KAZN: variants seen among roughly 807,000 people sequenced by gnomAD.
The protein encoded by KAZN is kazrin.
A neutral mutation model predicts 87.4 loss-of-function variants in KAZN; 40 were observed. The observed-to-expected ratio is 0.46, with a 90% CI of 0.36 to 0.60. The LOEUF (loss-of-function observed/expected upper bound fraction) is 0.60. Among genes scored for constraint, KAZN ranks in the 20% least tolerant of loss-of-function variants. The pLI is 0.00. For synonymous variants in KAZN, 466 were observed against 458.3 expected (o/e 1.02, Z -0.22); for missense variants, 898 against 1,073.9 (o/e 0.84, Z 2.29).
At chr1:14,233,340 C>A (rs1221785968) in intron 2 of KAZN, among the ~76,000 whole-genome samples, 1 of 152,114 alleles carries the variant, frequency 6.6e-6, no homozygotes. Context: ...TCACTATGTT[C>A]CCCAGGCTGT....
At chr1:14,181,996 C>A (rs1009105546) in intron 2 of KAZN, among the ~76,000 whole-genome samples, 5 of 152,108 alleles carry the variant, frequency 3.3e-5, no homozygotes, top group African/African-American at 4.8e-5. Context: ...GTGCCTAGAA[C>A]TGGATTTCAA....
intron 1 of KAZN, among the ~76,000 whole-genome samples, chr1:14,915,842 C>G (rs1030280582): frequency 6.6e-6 from 1 of 152,162 alleles, no homozygotes; most frequent in African/African-American, 2.4e-5. Flanking sequence ...AAAGCACAGT[C>G]CCTGGACTGA....
chr1:14,984,390 A>T (rs1666564991), intron 2 of KAZN, among the ~76,000 whole-genome samples: 3 of 152,170 alleles, frequency 2.0e-5, no homozygotes, highest in Admixed American at 2.0e-4. Context: ...AAAAGAAAAA[A>T]GAAAAACAGA....
intron 4 of KAZN, among the ~76,000 whole-genome samples, chr1:15,051,903 T>C (rs1392381975): frequency 6.6e-6 from 1 of 152,182 alleles, no homozygotes. Flanking sequence ...AGAAATGGAG[T>C]TTGAAACTAG....
At chr1:14,708,188 G>A (rs1048499981) in intron 1 of KAZN, among the ~76,000 whole-genome samples, 2 of 152,158 alleles carry the variant, frequency 1.3e-5, no homozygotes, top group Non-Finnish European at 2.9e-5. Flanking sequence ...TGATGGACCT[G>A]GCTGTGCCTT....
intron 1 of KAZN, among the ~76,000 whole-genome samples, chr1:13,992,742 C>T (rs975166024): frequency 6.6e-6 from 1 of 151,992 alleles, no homozygotes; most frequent in African/African-American, 2.4e-5. Context: ...ACTGATGCTG[C>T]CTTCTCATTG....
intron 1 of KAZN, among the ~76,000 whole-genome samples, chr1:14,729,956 C>A (rs1643600782): frequency 6.6e-6 from 1 of 152,066 alleles, no homozygotes; most frequent in Non-Finnish European, 1.5e-5. Context: ...ACAGGCACGC[C>A]CATTCGTTCC....
intron 1 of KAZN, among the ~76,000 whole-genome samples, chr1:13,942,546 C>A (rs1473623605): frequency 2.0e-4 from 14 of 70,822 alleles, no homozygotes; most frequent in Non-Finnish European, 3.3e-4. Flanking sequence ...GACTCCGTCT[C>A]AAAAAAAAAA....
At chr1:14,719,879 GC>G (rs1643004624) in intron 1 of KAZN, among the ~76,000 whole-genome samples, 2 of 152,306 alleles carry the variant, frequency 1.3e-5, no homozygotes, top group South Asian at 4.1e-4. Flanking sequence ...ACATGCAGGT[GC>G]TGGGAAGGGC....
intron 1 of KAZN, among the ~76,000 whole-genome samples, chr1:14,788,742 A>G (rs186808469): frequency 0.012 from 1,900 of 152,150 alleles, 18 homozygotes; most frequent in Middle Eastern, 0.027. Context: ...CTGCAGTTTC[A>G]TCACCTTTAA....
At chr1:15,107,277 G>A (rs1641328851) in intron 13 of KAZN, among the ~76,000 whole-genome samples, 1 of 152,162 alleles carries the variant, frequency 6.6e-6, no homozygotes, top group Non-Finnish European at 1.5e-5. Context: ...TGGATGGTGT[G>A]GAGTTCCAGC....
intron 1 of KAZN, among the ~76,000 whole-genome samples, chr1:14,151,994 A>T (rs2101801425): frequency 6.6e-6 from 1 of 152,368 alleles, no homozygotes; most frequent in African/African-American, 2.4e-5. Flanking sequence ...GTTCTCTAAT[A>T]AAGTTTTTGC....
At chr1:14,164,911 G>T (rs1000077263) in intron 1 of KAZN, among the ~76,000 whole-genome samples, 1 of 152,124 alleles carries the variant, frequency 6.6e-6, no homozygotes, top group Non-Finnish European at 1.5e-5. Flanking sequence ...TTGTAATTTG[G>T]GGGAGAAGTA....
At chr1:15,074,775 A>G (rs1297385814) in intron 8 of KAZN, among the ~76,000 whole-genome samples, 1 of 152,158 alleles carries the variant, frequency 6.6e-6, no homozygotes, top group Non-Finnish European at 1.5e-5. Flanking sequence ...GTTACCTGGT[A>G]ACCTTAGGCA....
intron 2 of KAZN, among the ~76,000 whole-genome samples, chr1:14,474,351 C>T (rs759739312): frequency 2.4e-4 from 36 of 152,014 alleles, no homozygotes; most frequent in Non-Finnish European, 4.7e-4. Context: ...ACTTTCACTG[C>T]GTTCTACTTT....
At position 14,963,404 on chromosome 1, in the gene KAZN, C is replaced by A. The variant is rs1271405094; in HGVS notation, c.418+2529C>A. Among the ~76,000 whole-genome samples the A allele has an allele frequency of 5.3e-5, 8 of 152,174 alleles. No homozygotes were observed. The East Asian group carries it at 1.5e-3, about 29-fold the overall frequency. The stretch of plus-strand genomic sequence containing the variant: ...AAATAACTTGACCAGGGTGGCAGAG[C>A]TAATTAGCAGAAGCAGAGACTTTTT... On this transcript the variant is annotated intron_variant, in intron 2 of 14. Transcript: ENST00000376030.
intron 1 of KAZN, among the ~76,000 whole-genome samples, chr1:14,895,851 G>A (rs144719265): frequency 9.2e-5 from 14 of 152,276 alleles, no homozygotes; most frequent in African/African-American, 3.1e-4. Flanking sequence ...CAGGGTACCC[G>A]AGGACAGAGA....
At chr1:14,044,816 T>C (rs1288171048) in intron 1 of KAZN, among the ~76,000 whole-genome samples, 1 of 152,218 alleles carries the variant, frequency 6.6e-6, no homozygotes, top group Non-Finnish European at 1.5e-5. Context: ...CCTGAATCTG[T>C]TGTACCTTTA....
chr1:14,618,142 C>T (rs887475532), intron 1 of KAZN, among the ~76,000 whole-genome samples: 12 of 152,208 alleles, frequency 7.9e-5, no homozygotes, highest in Non-Finnish European at 1.5e-4. Context: ...CAGCTGAGTC[C>T]GGCGCTTGCT....
Sources: gnomAD v4.1 joint callset for allele counts (sites outside exome capture counted in the v4.1 genomes callset) on GRCh38, gnomAD v4.1.1 for gene constraint, MANE v1.5 for transcripts, NCBI Gene and HGNC (gene_info 2026-07-23, HGNC 2026-07-21) for gene names.